FAF1: variants seen among roughly 807,000 people sequenced by gnomAD.
The protein encoded by FAF1 is Fas associated factor 1.
FAF1 carries 25 observed loss-of-function variants against 92.5 expected under a neutral mutation model. The ratio of observed to expected loss-of-function variants is 0.27; its 90% CI spans 0.20 to 0.38. The LOEUF (loss-of-function observed/expected upper bound fraction) is 0.38. Among genes scored for constraint, FAF1 ranks in the 10% least tolerant of loss-of-function variants. FAF1 has a pLI of 1.00. For missense variants in FAF1, 636 were observed against 793.3 expected (o/e 0.80, Z 2.38); for synonymous variants, 234 against 273.2 (o/e 0.86, Z 1.42).
intron 1 of FAF1, among the ~76,000 whole-genome samples, chr1:50,959,342 TAATAC>T (rs1328745026): frequency 1.3e-5 from 2 of 152,044 alleles, no homozygotes; most frequent in East Asian, 1.9e-4. Context: ...ACTCTTCCCT[TAATAC>T]AATATAAATA....
Position 50,673,244 on chromosome 1 carries a change from G to A in FAF1, c.658-17716C>T, listed in dbSNP as rs372887611. ...CTGCACTCCAGCCTGGGAACAGAGC[G>A]AGACTCTGTCTCAAAAAAAAAAAAG... On this transcript the variant is annotated intron_variant, in intron 7 of 18. Transcript: ENST00000396153. 1.5e-4 allele frequency among the ~76,000 whole-genome samples: 22 copies of A among 150,990 alleles called. No individual in the cohort carries two copies. In the East Asian group the frequency reaches 3.3e-3, roughly 23 times the overall value.
At chr1:50,730,870 T>C (rs1658887117) in intron 6 of FAF1, among the ~76,000 whole-genome samples, 1 of 152,260 alleles carries the variant, frequency 6.6e-6, no homozygotes, top group Admixed American at 6.5e-5. Context: ...TGCCCAACTC[T>C]TCATTCCTGC....
At chr1:50,624,897 C>CTTT (rs34177866) in intron 8 of FAF1, among the ~76,000 whole-genome samples, 95 of 124,756 alleles carry the variant, frequency 7.6e-4, no homozygotes, top group African/African-American at 1.5e-3. Flanking sequence ...ATCCCACACT[C>CTTT]TTTTTTTTTT....
At chr1:50,939,396 G>A (rs781175070) in intron 1 of FAF1, among the ~76,000 whole-genome samples, 1 of 152,192 alleles carries the variant, frequency 6.6e-6, no homozygotes, top group Non-Finnish European at 1.5e-5. Context: ...AATGCTACTG[G>A]ATTTTTGTAC....
chr1:50,510,921 GTTTAC>G (rs756040576), intron 15 of FAF1, among the ~76,000 whole-genome samples: 10 of 152,012 alleles, frequency 6.6e-5, no homozygotes, highest in Middle Eastern at 3.2e-3. Context: ...GTACATAGGT[GTTTAC>G]TTTATTTTAA....
intron 15 of FAF1, among the ~76,000 whole-genome samples, chr1:50,511,879 T>C (rs1647139056): frequency 6.6e-6 from 1 of 152,230 alleles, no homozygotes; most frequent in Admixed American, 6.5e-5. Context: ...AAAGTGTTCC[T>C]ATTTCTCCAC....
At chr1:50,831,491 G>A (rs950420944) in intron 2 of FAF1, among the ~76,000 whole-genome samples, 2 of 152,122 alleles carry the variant, frequency 1.3e-5, no homozygotes, top group Non-Finnish European at 2.9e-5. Flanking sequence ...CTCCTTAAGA[G>A]CAAAGAATAT....
chr1:50,746,632 T>C (rs1659634183), intron 4 of FAF1, among the ~76,000 whole-genome samples: 1 of 150,416 alleles, frequency 6.6e-6, no homozygotes, highest in East Asian at 2.0e-4. Flanking sequence ...GGAAGCAGAG[T>C]GTAAAAGTTT....
chr1:50,515,354 A>C (rs1388331193), intron 15 of FAF1, among the ~76,000 whole-genome samples: 2 of 152,156 alleles, frequency 1.3e-5, no homozygotes, highest in Admixed American at 6.5e-5. Flanking sequence ...TATGTATTCT[A>C]AAGCCTATGT....
chr1:50,486,047 CA>C (rs2149005502), intron 17 of FAF1, among the ~76,000 whole-genome samples: 1 of 152,156 alleles, frequency 6.6e-6, no homozygotes, highest in South Asian at 2.1e-4. Flanking sequence ...AGAGTCAAAC[CA>C]TATTACCAAT....
chr1:50,536,776 T>G (rs1176243211), intron 14 of FAF1, among the ~76,000 whole-genome samples: 2 of 152,166 alleles, frequency 1.3e-5, no homozygotes, highest in Non-Finnish European at 2.9e-5. Flanking sequence ...TAATGAATAT[T>G]TATTCAATAA....
At chr1:50,775,256 T>C (rs1369361214) in intron 4 of FAF1, among the ~76,000 whole-genome samples, 1 of 152,146 alleles carries the variant, frequency 6.6e-6, no homozygotes, top group East Asian at 1.9e-4. Flanking sequence ...TACTCATTTA[T>C]TGAGCCATTT....
At chr1:50,609,917 C>T (rs1315860289) in intron 8 of FAF1, among the ~76,000 whole-genome samples, 1 of 152,164 alleles carries the variant, frequency 6.6e-6, no homozygotes, top group East Asian at 1.9e-4. Context: ...CCCCCACACC[C>T]CCACAGTTAG....
At chr1:50,764,334 G>A (rs549029720) in intron 4 of FAF1, among the ~76,000 whole-genome samples, 1 of 152,248 alleles carries the variant, frequency 6.6e-6, no homozygotes, top group South Asian at 2.1e-4. Flanking sequence ...TTACGTATAA[G>A]GTCGAGGAAT....
chr1:50,909,343 A>G lies in FAF1; in HGVS notation c.45+50424T>C, dbSNP rs146797267. ...CATTTCAACTTTGGTGAATCTGACA[A>G]TTATGTGTCTTGGAGTTGCTCTTCT... On this transcript the variant is annotated intron_variant, in intron 1 of 18. Coordinates refer to ENST00000396153, the MANE Select transcript of FAF1 (RefSeq NM_007051.3). Among the ~76,000 whole-genome samples the G allele has an allele frequency of 1.7e-3, 258 of 152,232 alleles. 5 individuals are homozygous for G. In the East Asian group the frequency reaches 0.042, roughly 25 times the overall value.
At chr1:50,745,477 T>C (rs1246529986) in intron 4 of FAF1, among the ~76,000 whole-genome samples, 1 of 152,150 alleles carries the variant, frequency 6.6e-6, no homozygotes, top group African/African-American at 2.4e-5. Flanking sequence ...TTCCCAGTGT[T>C]GGAAGTGAGG....
At chr1:50,609,487 CAA>C (rs959629986) in intron 8 of FAF1, among the ~76,000 whole-genome samples, 8 of 152,262 alleles carry the variant, frequency 5.3e-5, no homozygotes, top group Non-Finnish European at 1.0e-4. Flanking sequence ...CAGGCTCCAA[CAA>C]TTTTTCCACT....
At chr1:50,475,442 T>G in intron 18 of FAF1, 22 bp downstream of exon 18, 347 of 1,539,096 alleles carry the variant, frequency 2.3e-4, no homozygotes, top group Non-Finnish European at 2.9e-4. Context: ...ATATACTTCC[T>G]GAGATAGGTA....
At chr1:50,916,894 G>A (rs1644922446) in intron 1 of FAF1, among the ~76,000 whole-genome samples, 1 of 152,154 alleles carries the variant, frequency 6.6e-6, no homozygotes. Context: ...TAGATCAAAG[G>A]AAATTAAAGA....
Sources: gnomAD v4.1 joint callset for allele counts (sites outside exome capture counted in the v4.1 genomes callset) on GRCh38, gnomAD v4.1.1 for gene constraint, MANE v1.5 for transcripts, NCBI Gene and HGNC (gene_info 2026-07-23, HGNC 2026-07-21) for gene names.